Variants in CPQ observed in about 807,000 individuals in gnomAD.
The protein encoded by CPQ is Ser-Met dipeptidase.
In CPQ, 37 loss-of-function variants were observed where a neutral mutation model predicts 45.7. The ratio of observed to expected loss-of-function variants is 0.81; its 90% CI spans 0.62 to 1.07. The LOEUF (loss-of-function observed/expected upper bound fraction) is 1.07. Among genes scored for constraint, CPQ ranks in the 50% least tolerant of loss-of-function variants. The probability of loss-of-function intolerance (pLI) is 0.00; values close to 1 mark genes in which losing one functional copy is unlikely to be tolerated. For missense variants in CPQ, 537 were observed against 572.9 expected, an observed-to-expected ratio of 0.94 and a Z score of 0.64; for synonymous variants, 186 against 205.8, an observed-to-expected ratio of 0.90 and a Z score of 0.82.
At position 96,835,132 on chromosome 8, in the gene CPQ, G is replaced by T; in HGVS notation, c.593G>T (p.Gly198Val). 6.4e-7 allele frequency: 1 copy of T among 1,571,974 alleles called. No homozygotes were observed. Among genetic ancestry groups the T allele is most frequent in the Admixed American group, 1.8e-5 (1 of 55,426 alleles). ...GGGGCGGTGGAAGCTGCCAAGGTGG[G>T]GGCTTTGGCATCTCTCATTCGATCC... ...TQGAVEAAKV[G>V]ALASLIRSVA... Residue 198 changes from glycine to valine, a missense_variant, in exon 3 of 8, where the codon GGG (glycine) becomes GTG (valine). By Grantham distance (109) the Gly-to-Val change is moderately radical. Transcript: ENST00000220763.
intron 5 of CPQ, among the ~76,000 whole-genome samples, chr8:97,022,583 A>G (rs1488001386): frequency 6.6e-6 from 1 of 152,116 alleles, no homozygotes; most frequent in Non-Finnish European, 1.5e-5. Context: ...TGAATAGACA[A>G]TTCTCAAAAG....
At chr8:96,987,035 T>C (rs967026135) in intron 5 of CPQ, among the ~76,000 whole-genome samples, 3 of 152,066 alleles carry the variant, frequency 2.0e-5, no homozygotes, top group Non-Finnish European at 4.4e-5. Context: ...GTAGGAATCA[T>C]GTGGGAAATG....
chr8:96,675,334 C>T (rs1809063260), intron 1 of CPQ, among the ~76,000 whole-genome samples: 1 of 151,896 alleles, frequency 6.6e-6, no homozygotes, highest in African/African-American at 2.4e-5. Flanking sequence ...GCTTTGTTCT[C>T]CTGACATTTC....
At chr8:96,892,553 A>G (rs1459812893) in intron 4 of CPQ, among the ~76,000 whole-genome samples, 2 of 152,216 alleles carry the variant, frequency 1.3e-5, no homozygotes. Flanking sequence ...TTAAGCTGGC[A>G]AATTCATTCT....
intron 1 of CPQ, among the ~76,000 whole-genome samples, chr8:96,760,586 A>G (rs1810387850): frequency 6.6e-6 from 1 of 152,132 alleles, no homozygotes; most frequent in South Asian, 2.1e-4. Context: ...AACAGAGATG[A>G]ATTTAGACCC....
chr8:96,982,919 C>T (rs554813826), intron 5 of CPQ, among the ~76,000 whole-genome samples: 1 of 152,198 alleles, frequency 6.6e-6, no homozygotes, highest in Admixed American at 6.5e-5. Context: ...CTTTTTTAAA[C>T]TAAGAAATAT....
At chr8:96,950,497 T>C (rs528782595) in intron 4 of CPQ, among the ~76,000 whole-genome samples, 3 of 152,012 alleles carry the variant, frequency 2.0e-5, no homozygotes, top group Admixed American at 2.0e-4. Flanking sequence ...GGTTGGAGGG[T>C]CTCCTCCTCC....
intron 1 of CPQ, among the ~76,000 whole-genome samples, chr8:96,703,245 A>C (rs571289771): frequency 4.6e-5 from 7 of 152,274 alleles, no homozygotes; most frequent in African/African-American, 1.7e-4. Flanking sequence ...TTTTTTGGCA[A>C]AGATTATAAT....
At chr8:96,933,203 G>C (rs1344016985) in intron 4 of CPQ, among the ~76,000 whole-genome samples, 1 of 152,154 alleles carries the variant, frequency 6.6e-6, no homozygotes, top group Non-Finnish European at 1.5e-5. Flanking sequence ...GCTTCAATTT[G>C]GCTTTCAGTA....
intron 4 of CPQ, among the ~76,000 whole-genome samples, chr8:96,938,975 A>G (rs969756165): frequency 3.3e-5 from 5 of 152,196 alleles, no homozygotes; most frequent in African/African-American, 1.2e-4. Context: ...ATCAGTATGT[A>G]TGGATCTAAT....
chr8:97,067,084 G>A (rs1309387686), intron 7 of CPQ, among the ~76,000 whole-genome samples: 1 of 151,816 alleles, frequency 6.6e-6, no homozygotes, highest in Non-Finnish European at 1.5e-5. Context: ...GCACCACCAT[G>A]CCTGGCTAAC....
In CPQ at chr8:97,091,486, C is replaced by G. The variant is rs140231108; in HGVS notation, c.1255+25276C>G. 5.0e-3 allele frequency among the ~76,000 whole-genome samples: 767 copies of G among 152,240 alleles called. 5 individuals carry two copies. The highest frequency in any genetic ancestry group is 0.018 in the African/African-American group (738 of 41,540). ...CTGATACCTACTTGTAATTGTCAGG[C>G]CAGTTCCCAGATGTCAGAGGCTACT... On this transcript the variant is annotated intron_variant, in intron 7 of 7. Transcript: ENST00000220763.
intron 4 of CPQ, among the ~76,000 whole-genome samples, chr8:96,894,459 G>A (rs1045697033): frequency 6.6e-6 from 1 of 152,130 alleles, no homozygotes; most frequent in African/African-American, 2.4e-5. Context: ...TTATTGGGAG[G>A]TGTTCTGGGC....
intron 3 of CPQ, among the ~76,000 whole-genome samples, chr8:96,872,567 A>T (rs1477645526): frequency 6.6e-6 from 1 of 151,938 alleles, no homozygotes. Context: ...TAATTTGAAA[A>T]TATATAATGC....
intron 2 of CPQ, among the ~76,000 whole-genome samples, chr8:96,788,101 C>T (rs1426828768): frequency 6.7e-6 from 1 of 148,252 alleles, no homozygotes; most frequent in Non-Finnish European, 1.5e-5. Flanking sequence ...TTATTTTCAG[C>T]ACTTTGAATA....
chr8:96,861,277 A>C (rs766481834), intron 3 of CPQ, among the ~76,000 whole-genome samples: 3 of 152,142 alleles, frequency 2.0e-5, no homozygotes, highest in Non-Finnish European at 4.4e-5. Context: ...TGTCTAAGAA[A>C]GGGCTTTGCT....
At chr8:96,821,586 A>G (rs545440184) in intron 2 of CPQ, among the ~76,000 whole-genome samples, 2 of 152,084 alleles carry the variant, frequency 1.3e-5, no homozygotes, top group African/African-American at 2.4e-5. Context: ...TTCTGTTCAG[A>G]TATGTTATAA....
chr8:96,861,818 A>G (rs1381006655), intron 3 of CPQ, among the ~76,000 whole-genome samples: 1 of 152,136 alleles, frequency 6.6e-6, no homozygotes, highest in Non-Finnish European at 1.5e-5. Context: ...CAACCCTGAC[A>G]TAAGATAGAA....
At chr8:97,050,675 G>A (rs1383249659) in intron 6 of CPQ, among the ~76,000 whole-genome samples, 2 of 152,104 alleles carry the variant, frequency 1.3e-5, no homozygotes, top group African/African-American at 4.8e-5. Context: ...ATCAGCCTGA[G>A]CAACGTAGCA....
Sources: gnomAD v4.1 joint callset for allele counts (sites outside exome capture counted in the v4.1 genomes callset) on GRCh38, gnomAD v4.1.1 for gene constraint, MANE v1.5 for transcripts, NCBI Gene and HGNC (gene_info 2026-07-23, HGNC 2026-07-21) for gene names.